ATG16L2: variants seen among roughly 807,000 people sequenced by gnomAD.
ATG16L2 encodes protein Atg16l2.
ATG16L2 carries 77 observed loss-of-function variants against 84.7 expected under a neutral mutation model. The ratio of observed to expected loss-of-function variants is 0.91; its 90% confidence interval spans 0.76 to 1.10. The LOEUF (loss-of-function observed/expected upper bound fraction) is 1.10. Among genes scored for constraint, ATG16L2 ranks in the 50% least tolerant of loss-of-function variants. The probability of loss-of-function intolerance (pLI) is 0.00; values close to 1 mark genes in which losing one functional copy is unlikely to be tolerated. For synonymous variants in ATG16L2, 361 were observed against 342.8 expected (o/e 1.05, Z -0.59); for missense variants, 782 against 817.6 (o/e 0.96, Z 0.53).
Position 72,825,309 on chromosome 11 carries a change from A to G in ATG16L2, c.1004A>G (p.His335Arg). Reference sequence around the variant, plus strand: ...CCTCCCCTTTCCCCACAGGATGCCCACCTCTCTGAGGTCAATGCTGTTCGT... The same window carrying G: ...CCTCCCCTTTCCCCACAGGATGCCCGCCTCTCTGAGGTCAATGCTGTTCGT... ...PTRAQDVLDA[H>R]LSEVNAVRFG... The change falls in exon 10 of 18, where the codon CAC (histidine) becomes CGC (arginine). Residue 335 changes from histidine to arginine, a missense_variant. By Grantham distance (29) the His-to-Arg change is conservative. Coordinates refer to ENST00000321297, the MANE Select transcript of ATG16L2 (RefSeq NM_033388.2). 1 of 1,612,818 alleles carries G rather than the reference A, an allele frequency of 6.2e-7. No homozygotes were observed. The highest frequency in any genetic ancestry group is 1.3e-5 in the African/African-American group (1 of 74,820).
chr11:72,841,363 AAGC>A, intron 5 of ATG16L2: 18 of 1,081,794 alleles, frequency 1.7e-5, no homozygotes, highest in South Asian at 9.1e-5. Context: ...AAAAAAAAAA[AAGC>A]AAATGCAGTT....
chr11:72,814,609 G>A, intron 1 of ATG16L2, 46 bp downstream of exon 1: 1 of 1,474,030 alleles, frequency 6.8e-7, no homozygotes, highest in South Asian at 1.3e-5. Flanking sequence ...AGGGGACGCG[G>A]CTACGGGCGC....
intron 5 of ATG16L2, chr11:72,838,570 G>A: frequency 1.7e-6 from 1 of 574,784 alleles, no homozygotes; most frequent in Admixed American, 3.0e-5. Flanking sequence ...TAGGATTTGT[G>A]CTATGGTAGG....
At chr11:72,828,848 C>T (rs765573524) in intron 16 of ATG16L2, 35 bp from the exon 17 acceptor site, 5 of 1,613,616 alleles carry the variant, frequency 3.1e-6, no homozygotes, top group Admixed American at 1.7e-5. Context: ...TCCCCTCTGA[C>T]CCCCCGTTTT....
intron 3 of ATG16L2, among the ~76,000 whole-genome samples, chr11:72,819,903 G>A (rs546209060): frequency 6.6e-6 from 1 of 152,090 alleles, no homozygotes; most frequent in East Asian, 1.9e-4. Flanking sequence ...CCGCCACCAT[G>A]CCCGGCTAAT....
chr11:72,827,148 C>A, intron 13 of ATG16L2, 40 bp from the exon 14 acceptor site: 11 of 1,537,964 alleles, frequency 7.2e-6, no homozygotes, highest in Non-Finnish European at 9.9e-6. Context: ...CTCCCGACAA[C>A]CCTCCTCTGA....
At chr11:72,831,557 G>A (rs543145692), downstream of ATG16L2, among the ~76,000 whole-genome samples, 1 of 152,336 alleles carries the variant, frequency 6.6e-6, no homozygotes, top group Admixed American at 6.5e-5. Context: ...AACGGTCTAA[G>A]AGCCTTGGGC....
chr11:72,821,772 C>T (rs1161181166), intron 4 of ATG16L2, 31 bp downstream of exon 4: 5 of 1,526,092 alleles, frequency 3.3e-6, no homozygotes, highest in East Asian at 4.9e-5. Context: ...GGAGGGACCG[C>T]GCCCACCTCA....
intron 4 of ATG16L2, 110 bp from the exon 5 acceptor site, chr11:72,821,921 TGGCTTAGCCACCC>T (rs1041167247): frequency 7.0e-7 from 1 of 1,421,998 alleles, no homozygotes; most frequent in African/African-American, 1.5e-5. Flanking sequence ...GGGGGAGACC[TGGCTTAGCCACCC>T]GGCTAGCCGC....
At chr11:72,823,325 G>A (rs545714353) in intron 7 of ATG16L2, 189 of 317,174 alleles carry the variant, frequency 6.0e-4, no homozygotes, top group African/African-American at 1.3e-3. Context: ...ATGTGCATCC[G>A]CAGGGACATG....
chr11:72,829,605 T>C lies in ATG16L2; in HGVS notation c.*215T>C. 7.4e-7 allele frequency: 1 copy of C among 1,352,224 alleles called. No homozygotes were observed. The highest frequency in any genetic ancestry group is 9.5e-7 in the Non-Finnish European group (1 of 1,051,808). 83.8% of individuals were successfully genotyped at this position (1,352,224 alleles called of 1,614,324 possible). ...TTTTTATCTCTATCTCCTCACTTTTTCTCCCAAAGTAGAAAAAAATGATAT... is the reference window on the plus strand; with the variant it reads ...TTTTTATCTCTATCTCCTCACTTTTCCTCCCAAAGTAGAAAAAAATGATAT... On this transcript the variant is annotated 3_prime_UTR_variant, in exon 18 of 18. Coordinates refer to ENST00000321297, the MANE Select transcript of ATG16L2 (RefSeq NM_033388.2).
At chr11:72,832,190 A>G (rs938894771), downstream of ATG16L2, among the ~76,000 whole-genome samples, 3 of 152,202 alleles carry the variant, frequency 2.0e-5, no homozygotes, top group Non-Finnish European at 4.4e-5. Flanking sequence ...GACTGCTTAG[A>G]GAGCCCAGAG....
intron 5 of ATG16L2, among the ~76,000 whole-genome samples, chr11:72,836,570 C>G (rs1860734030): frequency 6.6e-6 from 1 of 152,110 alleles, no homozygotes; most frequent in African/African-American, 2.4e-5. Flanking sequence ...GGATATTACA[C>G]CTAGCACATG....
chr11:72,833,356 A>G (rs1306417986), downstream of ATG16L2, among the ~76,000 whole-genome samples: 2 of 152,198 alleles, frequency 1.3e-5, no homozygotes, highest in African/African-American at 2.4e-5. Flanking sequence ...TTATCTGTAC[A>G]TTACCCTATT....
intron 9 of ATG16L2, 112 bp from the exon 10 acceptor site, chr11:72,825,190 T>TACCA: frequency 2.5e-6 from 2 of 785,302 alleles, no homozygotes; most frequent in South Asian, 3.2e-5. Context: ...GGGAGGGAGA[T>TACCA]ACCACGTCTG....
At chr11:72,829,185 A>T (rs897417921) in intron 17 of ATG16L2, 118 bp from the exon 18 acceptor site, 40 of 1,218,614 alleles carry the variant, frequency 3.3e-5, no homozygotes, top group Non-Finnish European at 4.2e-5. Context: ...AACTTGACAG[A>T]TGAGGAAACA....
Position 72,824,746 on chromosome 11 carries a change from G to A in ATG16L2, c.900G>A (p.Arg300=). 6.2e-7 allele frequency: 1 copy of A among 1,613,932 alleles called. No individual in the cohort carries two copies. Among genetic ancestry groups the A allele is most frequent in the Non-Finnish European group, 8.5e-7 (1 of 1,179,904 alleles). ...CACCTTACCCCAGTTTTAAGAAGAG[G>A]AGAGGTCACTCAATTGGGGGAGCCC... ...VVKGLLDFKK[R]RGHSIGGAPE... The change falls in exon 9 of 18, where the codon AGG becomes AGA. Residue 300 remains arginine (R), a synonymous_variant. Transcript: ENST00000321297.
At chr11:72,837,510 C>A (rs1282264015) in intron 5 of ATG16L2, 2 of 152,012 alleles carry the variant, frequency 1.3e-5, no homozygotes, top group East Asian at 1.9e-4. Flanking sequence ...TCCCTTAGTC[C>A]CTAGGTATTG....
intron 1 of ATG16L2, 119 bp from the exon 2 acceptor site, chr11:72,816,609 G>T: frequency 1.3e-6 from 1 of 780,586 alleles, no homozygotes. Context: ...CCTGCCAGAA[G>T]CTTCCCCATC....
Sources: allele counts gnomAD v4.1 joint callset (sites outside exome capture counted in the v4.1 genomes callset), GRCh38; gene constraint gnomAD v4.1.1; transcripts MANE v1.5; gene names NCBI Gene and HGNC (gene_info 2026-07-23, HGNC 2026-07-21).